ASPRV1: variants seen among roughly 807,000 people sequenced by gnomAD.
The protein encoded by ASPRV1 is aspartic peptidase retroviral like 1.
A neutral mutation model predicts 11.0 loss-of-function variants in ASPRV1; 7 were observed. The observed-to-expected ratio is 0.64, with a 90% CI of 0.36 to 1.20. ASPRV1 has a LOEUF of 1.20. Ranked by LOEUF, ASPRV1 falls within the 50% of genes most tolerant of loss-of-function variation. ASPRV1 has a pLI of 0.02. For missense variants in ASPRV1, 299 were observed against 320.0 expected, an observed-to-expected ratio of 0.93 and a Z score of 0.50; for synonymous variants, 136 against 138.4, an observed-to-expected ratio of 0.98 and a Z score of 0.12.
upstream of ASPRV1, chr2:69,961,822 G>A (rs1355738201): frequency 9.8e-7 from 1 of 1,019,678 alleles, no homozygotes; most frequent in East Asian, 2.4e-5. Context: ...TCCCAAGAAA[G>A]GCCAGCCTCT....
At chr2:69,986,896 T>C in the ASPRV1 span, among the ~76,000 whole-genome samples, 2 of 152,236 alleles carry the variant, frequency 1.3e-5, no homozygotes, top group African/African-American at 4.8e-5. Context: ...AGAGGCGTCC[T>C]GTCGCACAGT....
the ASPRV1 span, among the ~76,000 whole-genome samples, chr2:70,025,188 A>G: frequency 5.3e-5 from 8 of 152,354 alleles, 1 homozygote; most frequent in South Asian, 1.2e-3. Context: ...GCATACACGC[A>G]TGCATGTGAA....
the ASPRV1 span, chr2:69,943,013 A>G: frequency 6.6e-6 from 1 of 152,220 alleles, no homozygotes; most frequent in African/African-American, 2.4e-5. Context: ...AACTGCGTTC[A>G]TCAGATTTCT....
chr2:70,007,239 G>A, the ASPRV1 span, among the ~76,000 whole-genome samples: 5 of 152,194 alleles, frequency 3.3e-5, no homozygotes, highest in East Asian at 1.9e-4. Flanking sequence ...TACTTAAGCC[G>A]GGCGCAGGTT....
chr2:70,052,053 T>C, the ASPRV1 span, among the ~76,000 whole-genome samples: 1 of 151,964 alleles, frequency 6.6e-6, no homozygotes, highest in South Asian at 2.1e-4. Context: ...AAACAATCTT[T>C]AAAAGAAAAA....
At chr2:69,958,122 C>T (rs185078019), downstream of ASPRV1, among the ~76,000 whole-genome samples, 1 of 152,158 alleles carries the variant, frequency 6.6e-6, no homozygotes, top group African/African-American at 2.4e-5. Context: ...TTGTTTGATA[C>T]CTGACTTCCC....
the ASPRV1 span, among the ~76,000 whole-genome samples, chr2:70,071,379 G>A: frequency 2.0e-5 from 3 of 152,220 alleles, no homozygotes; most frequent in Non-Finnish European, 4.4e-5. Context: ...TAGGAAGACT[G>A]TCTTCAAAGG....
chr2:70,058,426 A>G, the ASPRV1 span, among the ~76,000 whole-genome samples: 2 of 151,904 alleles, frequency 1.3e-5, no homozygotes, highest in East Asian at 3.9e-4. Context: ...TATTTTTTGT[A>G]GAGACAGTGT....
chr2:69,986,573 C>T, the ASPRV1 span, among the ~76,000 whole-genome samples: 1 of 152,218 alleles, frequency 6.6e-6, no homozygotes, highest in Admixed American at 6.5e-5. Context: ...ATGACAACTT[C>T]CCAGACCCTC....
At chr2:70,063,349 T>C in the ASPRV1 span, among the ~76,000 whole-genome samples, 38 of 152,202 alleles carry the variant, frequency 2.5e-4, 1 homozygote, top group Admixed American at 2.1e-3. Context: ...CCAGTACTTT[T>C]TGCTATGCCT....
the ASPRV1 span, among the ~76,000 whole-genome samples, chr2:69,978,885 A>AT: frequency 6.6e-6 from 1 of 152,108 alleles, no homozygotes; most frequent in African/African-American, 2.4e-5. Context: ...ACAAGAGGCC[A>AT]TATCTTCATA....
the ASPRV1 span, among the ~76,000 whole-genome samples, chr2:70,061,029 G>T: frequency 6.6e-6 from 1 of 152,148 alleles, no homozygotes; most frequent in African/African-American, 2.4e-5. Flanking sequence ...AACAAATGGG[G>T]TGCTAACAGT....
At chr2:70,073,393 G>C in the ASPRV1 span, 2 of 152,076 alleles carry the variant, frequency 1.3e-5, no homozygotes, top group Non-Finnish European at 2.9e-5. Context: ...GTAGCTAAAA[G>C]TACGGGTTTG....
chr2:69,982,223 A>G, the ASPRV1 span, among the ~76,000 whole-genome samples: 1 of 152,068 alleles, frequency 6.6e-6, no homozygotes, highest in Non-Finnish European at 1.5e-5. Flanking sequence ...TCATGCCTAT[A>G]AAGGAGGATC....
the ASPRV1 span, chr2:70,085,952 T>C: frequency 1.1e-4 from 16 of 152,274 alleles, no homozygotes; most frequent in Non-Finnish European, 1.8e-4. Flanking sequence ...CAGAGGTTTC[T>C]AAATGCTTTG....
the ASPRV1 span, among the ~76,000 whole-genome samples, chr2:70,008,000 T>G: frequency 1.3e-5 from 2 of 152,126 alleles, no homozygotes; most frequent in Admixed American, 1.3e-4. Flanking sequence ...CACGCCTGGC[T>G]AATTTTTGCA....
chr2:69,958,130 C>A (rs747203495), downstream of ASPRV1, among the ~76,000 whole-genome samples: 1 of 152,166 alleles, frequency 6.6e-6, no homozygotes, highest in African/African-American at 2.4e-5. Flanking sequence ...TACCTGACTT[C>A]CCAGAGAGCA....
the ASPRV1 span, among the ~76,000 whole-genome samples, chr2:69,949,254 C>CGAAT: frequency 0.12 from 17,972 of 150,626 alleles, 1,201 homozygotes; most frequent in Admixed American, 0.22. Context: ...GATGGATGGG[C>CGAAT]GAATGAATGA....
At chr2:70,007,300 C>CT in the ASPRV1 span, among the ~76,000 whole-genome samples, 21 of 152,162 alleles carry the variant, frequency 1.4e-4, no homozygotes, top group Admixed American at 1.0e-3. Flanking sequence ...GGTGGATCAC[C>CT]TGAGGTCAGG....
Sources: allele counts gnomAD v4.1 joint callset (sites outside exome capture counted in the v4.1 genomes callset), GRCh38; gene constraint gnomAD v4.1.1; transcripts MANE v1.5; gene names NCBI Gene and HGNC (gene_info 2026-07-23, HGNC 2026-07-21).